Variants in C16orf96 observed in about 807,000 individuals in gnomAD.
C16orf96 encodes the protein chromosome 16 open reading frame 96.
A neutral mutation model predicts 103.6 loss-of-function variants in C16orf96; 108 were observed. That is an observed-to-expected ratio of 1.04 (90% CI 0.89 to 1.22). C16orf96 has a LOEUF of 1.22. Among genes scored for constraint, C16orf96 ranks in the 50% most tolerant of loss-of-function variants. The pLI is 0.00. For synonymous variants in C16orf96, 566 were observed against 593.5 expected (o/e 0.95, Z 0.67); for missense variants, 1,586 against 1,464.2 (o/e 1.08, Z -1.36).
At chr16:4,577,068 G>A (rs2059520480) in intron 5 of C16orf96, among the ~76,000 whole-genome samples, 1 of 152,136 alleles carries the variant, frequency 6.6e-6, no homozygotes, top group South Asian at 2.1e-4. Flanking sequence ...GTGTATGCCT[G>A]TAATCCCAGC....
chr16:4,588,768 A>G (rs1896989868), intron 9 of C16orf96, among the ~76,000 whole-genome samples: 1 of 150,182 alleles, frequency 6.7e-6, no homozygotes, highest in South Asian at 2.1e-4. Flanking sequence ...TACATAGTCA[A>G]TAAATGAATT....
chr16:4,546,307 C>T, the C16orf96 span, among the ~76,000 whole-genome samples: 7 of 151,708 alleles, frequency 4.6e-5, no homozygotes, highest in African/African-American at 1.2e-4. Flanking sequence ...TACAGGCGCC[C>T]GCTACCGCGC....
chr16:4,574,879 A>T (rs2059481340), intron 3 of C16orf96, 90 bp downstream of exon 3: 2 of 1,520,732 alleles, frequency 1.3e-6, no homozygotes, highest in African/African-American at 1.4e-5. Flanking sequence ...AGGTGCAAGG[A>T]GGAGAACACA....
chr16:4,581,733 G>A (rs1366577944), intron 7 of C16orf96, among the ~76,000 whole-genome samples: 3 of 152,090 alleles, frequency 2.0e-5, no homozygotes, highest in Non-Finnish European at 2.9e-5. Flanking sequence ...TAATGAGGGA[G>A]GATTGCTTGA....
intron 13 of C16orf96, 69 bp downstream of exon 13, chr16:4,594,579 A>G: frequency 6.5e-7 from 1 of 1,541,288 alleles, no homozygotes; most frequent in Non-Finnish European, 8.8e-7. Flanking sequence ...GTGTGGGACC[A>G]GGCACTGAGC....
intron 1 of C16orf96, among the ~76,000 whole-genome samples, chr16:4,558,459 G>A (rs2059291360): frequency 6.6e-6 from 1 of 151,982 alleles, no homozygotes; most frequent in Admixed American, 6.6e-5. Context: ...ATAAAAAAAT[G>A]AATAAATTAG....
At chr16:4,588,858 G>A (rs1246063748) in intron 9 of C16orf96, among the ~76,000 whole-genome samples, 1 of 152,062 alleles carries the variant, frequency 6.6e-6, no homozygotes, top group African/African-American at 2.4e-5. Flanking sequence ...TGCTCATGGT[G>A]GAGCTTGAGA....
rs1424425665 is a variant in C16orf96 at position 4,600,318 on chromosome 16, G to A, written c.*1G>A. On this transcript the variant is annotated 3_prime_UTR_variant, in exon 16 of 16. Coordinates refer to ENST00000444310, the MANE Select transcript of C16orf96 (RefSeq NM_001145011.2). ...CCCCGAGGAGCCCGCCAACCCGTGA[G>A]CCCCACCCCGCTGCGCCCCCCATCG... The A allele has an allele frequency of 6.5e-7, 1 of 1,545,224 alleles. No homozygotes were observed. Among genetic ancestry groups the A allele is most frequent in the Non-Finnish European group, 8.7e-7 (1 of 1,144,586 alleles).
At chr16:4,600,068 A>G (rs768561396) in intron 15 of C16orf96, 32 bp from the exon 16 acceptor site, 38 of 1,539,048 alleles carry the variant, frequency 2.5e-5, no homozygotes, top group Admixed American at 3.9e-5. Context: ...GGTTCTTGGC[A>G]CACATCTAGG....
intron 5 of C16orf96, among the ~76,000 whole-genome samples, chr16:4,577,170 A>G (rs990008329): frequency 2.0e-5 from 3 of 151,702 alleles, no homozygotes; most frequent in South Asian, 2.1e-4. Context: ...CAGCCTGGGC[A>G]ACAAGAACGA....
intron 1 of C16orf96, chr16:4,561,275 C>G (rs1487440917): frequency 1.3e-5 from 2 of 152,178 alleles, no homozygotes; most frequent in East Asian, 1.9e-4. Context: ...CCACCACACT[C>G]CAGCCTGGGT....
rs1335026127 is a variant in C16orf96, at chr16:4,593,272, A to C, written c.2823A>C (p.Pro941=). The C allele has an allele frequency of 1.9e-6, 3 of 1,550,972 alleles. No homozygotes were observed. The highest frequency in any genetic ancestry group is 2.6e-6 in the Non-Finnish European group (3 of 1,146,908). Residue 941 remains proline (P), a synonymous_variant, in exon 12 of 16, where the codon CCA becomes CCC. Coordinates refer to ENST00000444310, the MANE Select transcript of C16orf96 (RefSeq NM_001145011.2). This position sits in a 1 kb window ranked among gnomAD's most constrained non-coding sequence, Gnocchi z 4.2. ...RKAHLLSRLR[P]ASANSCEYLQ... ...CCCACCTGCTGTCCCGGCTGCGGCC[A>C]GCCAGCGCCAACAGCTGCGAGTACT...
intron 15 of C16orf96, 106 bp downstream of exon 15, chr16:4,599,470 A>T: frequency 1.1e-6 from 1 of 906,268 alleles, no homozygotes; most frequent in Non-Finnish European, 1.7e-6. Context: ...TCTCCTGTCC[A>T]CCTCCTCCAC....
the C16orf96 span, among the ~76,000 whole-genome samples, chr16:4,542,523 G>A: frequency 3.9e-5 from 6 of 152,146 alleles, no homozygotes; most frequent in Non-Finnish European, 5.9e-5. Context: ...TCAGCCAGGC[G>A]CAGTGGCTCA....
chr16:4,557,280 A>T (rs1178976690), intron 1 of C16orf96, among the ~76,000 whole-genome samples: 1 of 151,816 alleles, frequency 6.6e-6, no homozygotes, highest in Non-Finnish European at 1.5e-5. Flanking sequence ...TTCTCCTGGG[A>T]CATCTTGTTG....
intron 14 of C16orf96, among the ~76,000 whole-genome samples, chr16:4,598,031 A>G (rs1392572020): frequency 6.6e-6 from 1 of 152,070 alleles, no homozygotes; most frequent in Non-Finnish European, 1.5e-5. Flanking sequence ...TCACTCATTT[A>G]TTTCCCCAAA....
intron 8 of C16orf96, among the ~76,000 whole-genome samples, chr16:4,587,382 G>C (rs1163972517): frequency 6.6e-6 from 1 of 152,086 alleles, no homozygotes. Context: ...ACAAAAAGTA[G>C]CCAGGCGTGG....
the C16orf96 span, among the ~76,000 whole-genome samples, chr16:4,546,089 C>A: frequency 6.6e-6 from 1 of 151,784 alleles, no homozygotes; most frequent in Non-Finnish European, 1.5e-5. Context: ...ACCTCATGAT[C>A]CGCCCACCCT....
intron 1 of C16orf96, among the ~76,000 whole-genome samples, chr16:4,571,044 G>A (rs1179342510): frequency 6.6e-6 from 1 of 152,062 alleles, no homozygotes; most frequent in Non-Finnish European, 1.5e-5. Flanking sequence ...AAATTAGCTG[G>A]GCGTGGTGAT....
Sources: allele counts gnomAD v4.1 joint callset (sites outside exome capture counted in the v4.1 genomes callset), GRCh38; gene constraint gnomAD v4.1.1; non-coding constraint Gnocchi (gnomAD v3.1); transcripts MANE v1.5; gene names NCBI Gene and HGNC (gene_info 2026-07-23, HGNC 2026-07-21).